Variants in C12orf54 observed in about 807,000 individuals in gnomAD.
The protein encoded by C12orf54 is uncharacterized protein C12orf54.
A neutral mutation model predicts 26.4 loss-of-function variants in C12orf54; 24 were observed. That is an observed-to-expected ratio of 0.91 (90% CI 0.66 to 1.28). The LOEUF (loss-of-function observed/expected upper bound fraction) is 1.28, where lower values mean the gene tolerates loss of function less well. C12orf54 is among the 50% of genes most tolerant of loss of function. C12orf54 has a pLI of 0.00. For synonymous variants in C12orf54, 54 were observed against 47.0 expected (o/e 1.15, Z -0.61); for missense variants, 154 against 150.9 (o/e 1.02, Z -0.11).
At chr12:48,429,270 C>G in the C12orf54 span, among the ~76,000 whole-genome samples, 3 of 152,068 alleles carry the variant, frequency 2.0e-5, no homozygotes, top group Non-Finnish European at 4.4e-5. Flanking sequence ...GACAAGGATG[C>G]CCACTCTCAC....
the C12orf54 span, among the ~76,000 whole-genome samples, chr12:48,466,685 T>A: frequency 6.6e-6 from 1 of 152,114 alleles, no homozygotes; most frequent in Non-Finnish European, 1.5e-5. Flanking sequence ...CCATACCAAA[T>A]TCTGGTAAAA....
chr12:48,494,702 ATAATAGAATCTC>A, intron 7 of C12orf54, 84 bp from the exon 8 acceptor site: 1 of 1,320,452 alleles, frequency 7.6e-7, no homozygotes, highest in Non-Finnish European at 1.1e-6. Flanking sequence ...GGGGAGTGTA[ATAATAGAATCTC>A]TAAGGGCAGT....
At chr12:48,469,934 A>G in the C12orf54 span, among the ~76,000 whole-genome samples, 1 of 152,182 alleles carries the variant, frequency 6.6e-6, no homozygotes, top group Non-Finnish European at 1.5e-5. Flanking sequence ...CACAGGTGAG[A>G]ACATGAAGTA....
At chr12:48,455,005 G>A in the C12orf54 span, among the ~76,000 whole-genome samples, 1 of 152,150 alleles carries the variant, frequency 6.6e-6, no homozygotes, top group African/African-American at 2.4e-5. Flanking sequence ...GGTTTGTTAT[G>A]TGGGTAAATT....
the C12orf54 span, among the ~76,000 whole-genome samples, chr12:48,473,996 C>T: frequency 6.6e-6 from 1 of 152,178 alleles, no homozygotes; most frequent in Non-Finnish European, 1.5e-5. Context: ...GGGCTTCCTT[C>T]TACAAAGAGG....
At chr12:48,422,022 G>C in the C12orf54 span, among the ~76,000 whole-genome samples, 2 of 152,034 alleles carry the variant, frequency 1.3e-5, no homozygotes, top group Admixed American at 6.5e-5. Context: ...TTTGTAATGC[G>C]GATGGTGTAT....
At chr12:48,490,873 C>T in intron 6 of C12orf54, 37 bp downstream of exon 6, 1 of 1,605,836 alleles carries the variant, frequency 6.2e-7, no homozygotes, top group South Asian at 1.1e-5. Context: ...GAAAAGGAAA[C>T]AAGGGAGGGG....
chr12:48,453,281 G>A, the C12orf54 span, among the ~76,000 whole-genome samples: 1 of 151,920 alleles, frequency 6.6e-6, no homozygotes, highest in East Asian at 2.0e-4. Flanking sequence ...AGTGGGAGCT[G>A]AATGATGAGA....
At chr12:48,433,960 G>A in the C12orf54 span, among the ~76,000 whole-genome samples, 7 of 152,152 alleles carry the variant, frequency 4.6e-5, no homozygotes, top group African/African-American at 1.2e-4. Context: ...AAAGCAGGGC[G>A]AGCCATCACC....
chr12:48,445,718 T>G, the C12orf54 span, among the ~76,000 whole-genome samples: 1 of 152,224 alleles, frequency 6.6e-6, no homozygotes, highest in Admixed American at 6.5e-5. Context: ...ATAACTACCC[T>G]GCAAAGTGGT....
chr12:48,471,253 C>A, the C12orf54 span, among the ~76,000 whole-genome samples: 1 of 152,138 alleles, frequency 6.6e-6, no homozygotes, highest in African/African-American at 2.4e-5. Context: ...CAGTTCCATT[C>A]ATGTTGTTGC....
At chr12:48,438,516 T>C in the C12orf54 span, among the ~76,000 whole-genome samples, 2,193 of 152,324 alleles carry the variant, frequency 0.014, 56 homozygotes, top group African/African-American at 0.049. Flanking sequence ...ACTACAAGGC[T>C]ACAGTAACCA....
the C12orf54 span, among the ~76,000 whole-genome samples, chr12:48,423,497 CA>C: frequency 6.6e-6 from 1 of 151,870 alleles, no homozygotes; most frequent in Non-Finnish European, 1.5e-5. Context: ...TGAAAGTATG[CA>C]AAAATTCAGT....
the C12orf54 span, among the ~76,000 whole-genome samples, chr12:48,461,275 A>T: frequency 6.6e-6 from 1 of 151,982 alleles, no homozygotes; most frequent in Non-Finnish European, 1.5e-5. Context: ...GGAGAAATAG[A>T]CAAAATCATA....
the C12orf54 span, among the ~76,000 whole-genome samples, chr12:48,426,178 G>A: frequency 6.6e-6 from 1 of 151,930 alleles, no homozygotes; most frequent in Non-Finnish European, 1.5e-5. Context: ...GTCCAGAATG[G>A]TATTGCCTAG....
chr12:48,493,040 C>T (rs766529860), intron 7 of C12orf54, 45 bp downstream of exon 7: 6 of 1,530,970 alleles, frequency 3.9e-6, no homozygotes, highest in Non-Finnish European at 5.4e-6. Flanking sequence ...ATGGCACCCA[C>T]CTGGATATGG....
At chr12:48,478,696 G>A (rs943518738), upstream of C12orf54, among the ~76,000 whole-genome samples, 9 of 152,174 alleles carry the variant, frequency 5.9e-5, no homozygotes, top group Non-Finnish European at 1.0e-4. Context: ...TACAAGGGAC[G>A]TGAAGGACAT....
upstream of C12orf54, among the ~76,000 whole-genome samples, chr12:48,478,628 T>C (rs1462427689): frequency 2.6e-5 from 4 of 152,122 alleles, no homozygotes; most frequent in African/African-American, 9.7e-5. Flanking sequence ...AGCCAAATCA[T>C]GAGTGAACTC....
the C12orf54 span, among the ~76,000 whole-genome samples, chr12:48,450,418 A>G: frequency 6.6e-5 from 10 of 152,268 alleles, no homozygotes; most frequent in East Asian, 1.2e-3. Context: ...CATCACAACT[A>G]AAAGAACTAG....
Sources: gnomAD v4.1 joint callset for allele counts (sites outside exome capture counted in the v4.1 genomes callset) on GRCh38, gnomAD v4.1.1 for gene constraint, MANE v1.5 for transcripts, NCBI Gene and HGNC (gene_info 2026-07-23, HGNC 2026-07-21) for gene names.